The following XRN1 variants were observed in gnomAD, a reference collection of about 807,000 sequenced individuals.
XRN1 encodes the protein 5'-3' exoribonuclease 1, also known as strand-exchange protein 1 homolog.
A neutral mutation model predicts 222.3 loss-of-function variants in XRN1; 67 were observed. The ratio of observed to expected loss-of-function variants is 0.30; its 90% CI spans 0.25 to 0.37. The LOEUF is 0.37. Among genes scored for constraint, XRN1 ranks in the 10% least tolerant of loss-of-function variants. XRN1 has a pLI of 1.00. For missense variants in XRN1, 1,707 were observed against 2,000.2 expected (o/e 0.85, Z 2.80); for synonymous variants, 643 against 652.4 (o/e 0.99, Z 0.22).
Position 142,421,058 on chromosome 3 carries a change from T to G in XRN1, c.1131A>C (p.Ala377=), listed in dbSNP as rs762828883. The change falls in exon 10 of 41, where the codon GCA becomes GCC. Residue 377 remains alanine (A), a synonymous_variant. Transcript: ENST00000392981. ...CCTTGTAGTTCCTGGCTTCTTCTGCTGCGACACCTGCTGCTTCATTGAGGT... is the reference window on the plus strand; with the variant it reads ...CCTTGTAGTTCCTGGCTTCTTCTGCGGCGACACCTGCTGCTTCATTGAGGT... The part of the protein sequence containing the change: ...NKYLNEAAGV[A]AEEARNYKEK... 6.2e-7 allele frequency: 1 copy of G among 1,614,106 alleles called. No individual in the cohort carries two copies. The highest frequency in any genetic ancestry group is 8.5e-7 in the Non-Finnish European group (1 of 1,179,988).
chr3:142,398,243 A>G (rs375235339), intron 19 of XRN1, among the ~76,000 whole-genome samples: 2 of 152,246 alleles, frequency 1.3e-5, no homozygotes. Flanking sequence ...GTCTCTCCCA[A>G]TCAGTCAGTC....
chr3:142,349,101 T>A (rs780134407), intron 32 of XRN1, among the ~76,000 whole-genome samples: 14 of 152,166 alleles, frequency 9.2e-5, no homozygotes, highest in Middle Eastern at 3.4e-3. Context: ...TATGGGTATG[T>A]GCCACTATGC....
At chr3:142,442,101 TAGG>T (rs1450912527) in intron 1 of XRN1, among the ~76,000 whole-genome samples, 1 of 152,098 alleles carries the variant, frequency 6.6e-6, no homozygotes, top group African/African-American at 2.4e-5. Context: ...GCACTAGAAT[TAGG>T]AGAAGGAAAA....
intron 22 of XRN1, among the ~76,000 whole-genome samples, chr3:142,381,687 C>T (rs2067310263): frequency 6.6e-6 from 1 of 151,532 alleles, no homozygotes; most frequent in African/African-American, 2.4e-5. Context: ...TATTCTCAGC[C>T]TCCCAAGTAG....
At chr3:142,396,780 T>C (rs1163154436) in intron 20 of XRN1, among the ~76,000 whole-genome samples, 1 of 152,180 alleles carries the variant, frequency 6.6e-6, no homozygotes, top group Non-Finnish European at 1.5e-5. Flanking sequence ...TGGGAATTCT[T>C]GTGTTTGGAT....
rs1222390248 is a variant in XRN1, at chr3:142,336,605, TAGAG to T, written c.3878-1100_3878-1097del. On this transcript the variant is annotated intron_variant, in intron 33 of 40. Transcript: ENST00000392981. ...GGAGAAGGAAGGGTAAGAGAAGGAA[TAGAG>T]AGAGAGGAAAAGAGAAGGGGAGGAA... Among the ~76,000 whole-genome samples, 6 of 133,696 alleles carry T rather than the reference TAGAG, an allele frequency of 4.5e-5. No individual in the cohort carries two copies. The East Asian group carries it at 1.1e-3, about 24-fold the overall frequency. 87.7% of individuals were successfully genotyped at this position (133,696 alleles called of 152,430 possible). A position where few individuals can be genotyped will look rare whatever the true frequency, so the allele number is the denominator to read the frequency against.
intron 15 of XRN1, among the ~76,000 whole-genome samples, chr3:142,407,070 T>C (rs2068370153): frequency 6.6e-6 from 1 of 152,226 alleles, no homozygotes. Context: ...CACTTATGCA[T>C]GCCTGCTGCG....
In XRN1 at chr3:142,400,555, T is replaced by G; in HGVS notation, c.2104-8A>C. Reference sequence around the variant, plus strand: ...AGCTACATTTTCTACGGTCTTAAAGTAAAAGCAAAAAAGTTCATTCATGAT... The same window carrying G: ...AGCTACATTTTCTACGGTCTTAAAGGAAAAGCAAAAAAGTTCATTCATGAT... On this transcript the variant is annotated splice_region_variant and splice_polypyrimidine_tract_variant and intron_variant, in intron 18 of 40. Coordinates refer to ENST00000392981, the MANE Select transcript of XRN1 (RefSeq NM_001282857.2). The G allele has an allele frequency of 6.3e-7, 1 of 1,599,052 alleles. No homozygotes were observed. The highest frequency in any genetic ancestry group is 8.5e-7 in the Non-Finnish European group (1 of 1,173,536).
chr3:142,341,038 T>C (rs1321289505), intron 33 of XRN1, among the ~76,000 whole-genome samples: 1 of 152,138 alleles, frequency 6.6e-6, no homozygotes, highest in African/African-American at 2.4e-5. Flanking sequence ...CTGTATGGTA[T>C]GTAAACTACT....
At chr3:142,379,332 C>G (rs1245113769) in intron 23 of XRN1, among the ~76,000 whole-genome samples, 1 of 152,060 alleles carries the variant, frequency 6.6e-6, no homozygotes, top group Non-Finnish European at 1.5e-5. Flanking sequence ...AATCTCTAAT[C>G]TAGGATTCTA....
intron 33 of XRN1, among the ~76,000 whole-genome samples, chr3:142,336,601 G>A (rs76357951): frequency 0.037 from 5,603 of 150,578 alleles, 358 homozygotes; most frequent in African/African-American, 0.13. Flanking sequence ...GGTAAGAGAA[G>A]GAATAGAGAG....
chr3:142,317,665 A>G (rs1444136657), intron 39 of XRN1, among the ~76,000 whole-genome samples: 1 of 152,168 alleles, frequency 6.6e-6, no homozygotes, highest in Non-Finnish European at 1.5e-5. Flanking sequence ...AGACGGGGGT[A>G]GTCTCACCAC....
rs2064999377 is a variant in XRN1, at chr3:142,307,815, T to G, written c.*3696A>C. On this transcript the variant is annotated 3_prime_UTR_variant, in exon 41 of 41. Coordinates refer to ENST00000392981, the MANE Select transcript of XRN1 (RefSeq NM_001282857.2). The stretch of plus-strand genomic sequence containing the variant: ...GACAAAGCTTACAAAATGTATATAC[T>G]GAGCACTGCCAGTTTGAGTACTATA... 6.6e-6 allele frequency: 1 copy of G among 152,238 alleles called. No homozygotes were observed. The highest frequency in any genetic ancestry group is 2.4e-5 in the African/African-American group (1 of 41,466). 9.4% of individuals were successfully genotyped at this position (152,238 alleles called of 1,614,324 possible).
At chr3:142,442,351 A>G (rs2070261988) in intron 1 of XRN1, among the ~76,000 whole-genome samples, 1 of 152,202 alleles carries the variant, frequency 6.6e-6, no homozygotes, top group South Asian at 2.1e-4. Flanking sequence ...ATTGAAGCCA[A>G]AAGAGCCGCA....
At chr3:142,437,937 G>A (rs1300672120) in intron 1 of XRN1, among the ~76,000 whole-genome samples, 1 of 152,140 alleles carries the variant, frequency 6.6e-6, no homozygotes, top group East Asian at 1.9e-4. Flanking sequence ...ATAGGAACAT[G>A]ACAAGGTGCT....
At position 142,403,701 on chromosome 3, in the gene XRN1, G is replaced by A; in HGVS notation, c.2076C>T (p.Ile692=). The change falls in exon 18 of 41, where the codon ATC becomes ATT. Residue 692 remains isoleucine, a synonymous_variant. Coordinates refer to ENST00000392981, the MANE Select transcript of XRN1 (RefSeq NM_001282857.2). ...GTTCATCTGATTCTGCATCCACTAAGATTTCCAACATCATGTTTTCTCCAC... is the reference window on the plus strand; with the variant it reads ...GTTCATCTGATTCTGCATCCACTAAAATTTCCAACATCATGTTTTCTCCAC... ...SSRGENMMLE[I]LVDAESDELT... is the part of the protein sequence containing the mutation. 1 of 1,613,170 alleles carries A rather than the reference G, an allele frequency of 6.2e-7. No individual in the cohort carries two copies.
chr3:142,334,838 TA>T (rs1320581120), intron 34 of XRN1, among the ~76,000 whole-genome samples: 2 of 144,612 alleles, frequency 1.4e-5, no homozygotes, highest in African/African-American at 2.5e-5. Context: ...TACAAGTGAT[TA>T]ATTTTTTTTT....
rs1168878738 is a variant in XRN1, at chr3:142,397,400, T to A, written c.2268A>T (p.Pro756=). 1 of 1,610,154 alleles carries A rather than the reference T, an allele frequency of 6.2e-7. No homozygotes were observed. The highest frequency in any genetic ancestry group is 8.5e-7 in the Non-Finnish European group (1 of 1,177,696). The change falls in exon 20 of 41, where the codon CCA becomes CCT. Residue 756 remains proline, a synonymous_variant. Transcript: ENST00000392981. ...QKLYSGRTAP[P]SKVVHLGDKE... is the part of the protein sequence containing the mutation. The stretch of plus-strand genomic sequence containing the variant: ...TATCTCCAAGATGAACCACTTTAGA[T>A]GGTGGGGCAGTTCTTCCTGAATAAA...
chr3:142,404,064 T>A (rs2108030999), intron 16 of XRN1, 75 bp from the exon 17 acceptor site: 1 of 1,271,580 alleles, frequency 7.9e-7, no homozygotes, highest in Non-Finnish European at 1.1e-6. Flanking sequence ...CTTTCCCTTG[T>A]ATATTTCGTA....
Sources: gnomAD v4.1 joint callset for allele counts (sites outside exome capture counted in the v4.1 genomes callset) on GRCh38, gnomAD v4.1.1 for gene constraint, MANE v1.5 for transcripts, NCBI Gene and HGNC (gene_info 2026-07-23, HGNC 2026-07-21) for gene names.